Variants in ACAT1 observed in about 807,000 individuals in gnomAD.
ACAT1 encodes acetyl-CoA acetyltransferase, mitochondrial.
A neutral mutation model predicts 47.3 loss-of-function variants in ACAT1; 28 were observed. The ratio of observed to expected loss-of-function variants is 0.59; its 90% CI spans 0.44 to 0.81. The LOEUF (loss-of-function observed/expected upper bound fraction) is 0.81, where lower values mean the gene tolerates loss of function less well. ACAT1 is among the 30% of genes least tolerant of loss of function. ACAT1 has a pLI of 0.00. For missense variants in ACAT1, 469 were observed against 524.3 expected, an observed-to-expected ratio of 0.89 and a Z score of 1.03; for synonymous variants, 181 against 173.6, an observed-to-expected ratio of 1.04 and a Z score of -0.34.
intron 5 of ACAT1, among the ~76,000 whole-genome samples, chr11:108,138,148 C>A (rs1167962886): frequency 2.1e-4 from 1 of 4,860 alleles, no homozygotes; most frequent in Admixed American, 2.8e-3. Context: ...GCCACCAAAC[C>A]CGGCTAATTT....
chr11:108,118,815 C>T (rs1185675290), upstream of ACAT1, among the ~76,000 whole-genome samples: 1 of 152,224 alleles, frequency 6.6e-6, no homozygotes, highest in Non-Finnish European at 1.5e-5. Context: ...CTATTCTTCT[C>T]CCCTCAATGC....
At chr11:108,138,868 A>C in intron 5 of ACAT1, 30 bp from the exon 6 acceptor site, 1 of 1,614,140 alleles carries the variant, frequency 6.2e-7, no homozygotes, top group Non-Finnish European at 8.5e-7. Flanking sequence ...ATTTGTATTA[A>C]CATTGGGTTT....
upstream of ACAT1, among the ~76,000 whole-genome samples, chr11:108,119,214 C>CT (rs1046084359): frequency 1.3e-4 from 19 of 146,818 alleles, no homozygotes; most frequent in Middle Eastern, 3.5e-3. Context: ...TTTTTTTCTT[C>CT]TTTTTTTGAG....
chr11:108,126,390 A>G (rs1423096510), intron 1 of ACAT1, among the ~76,000 whole-genome samples: 2 of 152,246 alleles, frequency 1.3e-5, no homozygotes, highest in African/African-American at 4.8e-5. Flanking sequence ...AGTGGCTGGC[A>G]CAGAGCAAGA....
chr11:108,142,789 A>G, intron 9 of ACAT1: 3 of 493,860 alleles, frequency 6.1e-6, no homozygotes, highest in South Asian at 6.0e-5. Flanking sequence ...GTGAACTGAG[A>G]TTGTACCACT....
intron 1 of ACAT1, among the ~76,000 whole-genome samples, chr11:108,125,445 C>T (rs1417434659): frequency 2.6e-5 from 4 of 152,126 alleles, no homozygotes; most frequent in African/African-American, 9.7e-5. Flanking sequence ...AGACACCATC[C>T]CGCCATCAGG....
At chr11:108,142,361 T>C in intron 8 of ACAT1, 76 bp from the exon 9 acceptor site, 3 of 1,087,436 alleles carry the variant, frequency 2.8e-6, no homozygotes, top group Non-Finnish European at 4.2e-6. Flanking sequence ...GCCCAGGCAA[T>C]AGGTATTTGT....
chr11:108,145,329 A>T (rs1253251667), intron 10 of ACAT1, among the ~76,000 whole-genome samples: 2 of 152,252 alleles, frequency 1.3e-5, no homozygotes, highest in African/African-American at 4.8e-5. Flanking sequence ...ACTGCAGGGG[A>T]TGCATTAATA....
chr11:108,120,242 A>G (rs1419756374), upstream of ACAT1, among the ~76,000 whole-genome samples: 1 of 152,054 alleles, frequency 6.6e-6, no homozygotes, highest in African/African-American at 2.4e-5. Context: ...TATGCCTATA[A>G]TATCTGTGCT....
rs780007425 is a variant in ACAT1, at chr11:108,146,312, A to G, written c.1116A>G (p.Gln372=). 3.1e-6 allele frequency: 5 copies of G among 1,614,102 alleles called. No homozygotes were observed. The highest frequency in any genetic ancestry group is 2.2e-5 in the East Asian group (1 of 44,840). The change falls in exon 11 of 12, where the codon CAA becomes CAG. Residue 372 remains glutamine, a synonymous_variant. Coordinates refer to ENST00000265838, the MANE Select transcript of ACAT1 (RefSeq NM_000019.4). ...ANIKMLEIDP[Q]KVNINGGAVS... is the part of the protein sequence containing the mutation. ...TTAAAATGTTGGAGATTGATCCCCAAAAAGTGAATATCAATGGAGGAGCTG... is the reference window on the plus strand; with the variant it reads ...TTAAAATGTTGGAGATTGATCCCCAGAAAGTGAATATCAATGGAGGAGCTG...
rs757155914 is a variant in ACAT1, at chr11:108,143,967, C to CA, written c.941-16_941-15insA. 2.9e-6 allele frequency: 3 copies of CA among 1,050,514 alleles called. No individual in the cohort carries two copies. The highest frequency in any genetic ancestry group is 1.9e-5 in the Admixed American group (1 of 53,468). The allele number at this position is 1,050,514 out of a possible 1,614,324, so 65.1% of individuals were successfully genotyped here. On this transcript the variant is annotated splice_polypyrimidine_tract_variant and intron_variant, in intron 9 of 11. Transcript: ENST00000265838. ...AAAAAGATTTTAACAACCCCCCCCCCCCTTTTTTTAAACAGCATTTGCTGA... is the reference window on the plus strand; with the variant it reads ...AAAAAGATTTTAACAACCCCCCCCCCACCTTTTTTTAAACAGCATTTGCTGA...
At position 108,140,098 on chromosome 11, in the gene ACAT1, A is replaced by C. The variant is rs748135542; in HGVS notation, c.613A>C (p.Asn205His). Residue 205 changes from asparagine to histidine, a missense_variant, in exon 7 of 12, where the codon AAT (asparagine) becomes CAT (histidine). Asn to His is a moderately conservative substitution (Grantham distance 68, BLOSUM62 1). Coordinates refer to ENST00000265838, the MANE Select transcript of ACAT1 (RefSeq NM_000019.4). ...SCAENTAKKL[N>H]IARNEQDAYA... Reference sequence around the variant, plus strand: ...TGCTGAGAATACAGCAAAGAAGCTGAATATTGCACGAAATGAACAGGACGC... The same window carrying C: ...TGCTGAGAATACAGCAAAGAAGCTGCATATTGCACGAAATGAACAGGACGC... The C allele has an allele frequency of 5.6e-6, 9 of 1,614,024 alleles. No homozygotes were observed. In the African/African-American group the frequency reaches 9.3e-5, roughly 17 times the overall value.
chr11:108,147,478 G>A lies in ACAT1; in HGVS notation c.*88G>A. ...ACTACTGTGGGTCAGCTTATATTCAGATAAGCTGTTTCATTTTTTATTATT... is the reference window on the plus strand; with the variant it reads ...ACTACTGTGGGTCAGCTTATATTCAAATAAGCTGTTTCATTTTTTATTATT... On this transcript the variant is annotated 3_prime_UTR_variant, in exon 12 of 12. Coordinates refer to ENST00000265838, the MANE Select transcript of ACAT1 (RefSeq NM_000019.4). 6.8e-7 allele frequency: 1 copy of A among 1,462,626 alleles called. No homozygotes were observed. Among genetic ancestry groups the A allele is most frequent in the South Asian group, 1.2e-5 (1 of 83,422 alleles). The allele number at this position is 1,462,626 out of a possible 1,614,324, so 90.6% of individuals were successfully genotyped here.
intron 5 of ACAT1, 86 bp from the exon 6 acceptor site, chr11:108,138,812 C>T: frequency 6.9e-7 from 1 of 1,450,786 alleles, no homozygotes; most frequent in Non-Finnish European, 9.7e-7. Flanking sequence ...ATGTAGAATA[C>T]TTGTTTGGTG....
chr11:108,122,040 C>T, intron 1 of ACAT1: 1 of 351,930 alleles, frequency 2.8e-6, no homozygotes, highest in Non-Finnish European at 5.2e-6. Context: ...CAGCTGCTCC[C>T]GAGATTTTCT....
At chr11:108,142,645 TG>T in intron 9 of ACAT1, 95 bp downstream of exon 9, 1 of 968,366 alleles carries the variant, frequency 1.0e-6, no homozygotes, top group Non-Finnish European at 1.6e-6. Context: ...GAAATCAGCC[TG>T]GGCAATATAG....
At chr11:108,121,377 C>G, upstream of ACAT1, 1 of 594,246 alleles carries the variant, frequency 1.7e-6, no homozygotes, top group Non-Finnish European at 3.0e-6. Context: ...ACCCCAGCGC[C>G]AGTGTCTCCA....
Position 108,138,985 on chromosome 11 carries a change from C to G in ACAT1, c.523C>G (p.Leu175Val), listed in dbSNP as rs746877071. The G allele has an allele frequency of 1.9e-6, 3 of 1,613,954 alleles. No homozygotes were observed. The highest frequency in any genetic ancestry group is 1.7e-5 in the Admixed American group (1 of 59,988). The change falls in exon 6 of 12, where the codon CTT becomes GTT. Residue 175 changes from leucine to valine, a missense_variant. Leu to Val is a conservative substitution (Grantham distance 32). Coordinates refer to ENST00000265838, the MANE Select transcript of ACAT1 (RefSeq NM_000019.4). Reference protein sequence around the residue: ...RGSTPYGGVKLEDLIVKDGLT... With the variant: ...RGSTPYGGVKVEDLIVKDGLT... Reference sequence around the variant, plus strand: ...ATCAACACCATATGGTGGGGTAAAGCTTGAAGATTTGATTGTAAAAGACGG... The same window carrying G: ...ATCAACACCATATGGTGGGGTAAAGGTTGAAGATTTGATTGTAAAAGACGG...
chr11:108,138,716 TATTTAACACC>T, intron 5 of ACAT1, 172 bp from the exon 6 acceptor site: 1 of 714,226 alleles, frequency 1.4e-6, no homozygotes, highest in Non-Finnish European at 2.4e-6. Flanking sequence ...CTCATTATAT[TATTTAACACC>T]ATTTCTTTTC....
Sources: allele counts gnomAD v4.1 joint callset (sites outside exome capture counted in the v4.1 genomes callset), GRCh38; gene constraint gnomAD v4.1.1; transcripts MANE v1.5; gene names NCBI Gene and HGNC (gene_info 2026-07-23, HGNC 2026-07-21).